THAP4: variants seen among roughly 807,000 people sequenced by gnomAD.
THAP4 encodes the protein peroxynitrite isomerase THAP4.
A neutral mutation model predicts 48.1 loss-of-function variants in THAP4; 18 were observed. That is an observed-to-expected ratio of 0.37 (90% CI 0.26 to 0.56). The LOEUF is 0.56. Among genes scored for constraint, THAP4 ranks in the 20% least tolerant of loss-of-function variants. The pLI, the probability that THAP4 is intolerant of heterozygous loss-of-function variation, is 0.78. For missense variants in THAP4, 656 were observed against 774.9 expected (o/e 0.85, Z 1.82); for synonymous variants, 345 against 324.9 (o/e 1.06, Z -0.66).
At position 241,633,704 on chromosome 2, in the gene THAP4, A is replaced by G; in HGVS notation, c.453T>C (p.Gly151=). The part of the protein sequence containing the change: ...SRRLKQAALQ[G]EATPRAAQEA... ...CCTGGGCCGCCCTGGGTGTGGCTTC[A>G]CCTTGCAGAGCAGCTTGCTTCAACC... is the stretch of plus-strand genomic sequence containing the variant. The change falls in exon 2 of 6, where the codon GGT becomes GGC. Residue 151 remains glycine (G), a synonymous_variant. Coordinates refer to ENST00000407315, the MANE Select transcript of THAP4 (RefSeq NM_015963.6). This position sits in a 1 kb window ranked among gnomAD's most constrained non-coding sequence, Gnocchi z 7.5. 6.2e-7 allele frequency: 1 copy of G among 1,611,566 alleles called. No homozygotes were observed. The highest frequency in any genetic ancestry group is 2.2e-5 in the East Asian group (1 of 44,816).
intron 3 of THAP4, 149 bp from the exon 4 acceptor site, chr2:241,603,228 T>A: frequency 4.6e-6 from 3 of 651,868 alleles, no homozygotes; most frequent in Non-Finnish European, 5.5e-6. Context: ...ACCTTGCTCA[T>A]TTTGGCTGTG....
At chr2:241,589,450 A>C (rs1340747596) in intron 5 of THAP4, among the ~76,000 whole-genome samples, 1 of 152,210 alleles carries the variant, frequency 6.6e-6, no homozygotes, top group Non-Finnish European at 1.5e-5. Flanking sequence ...ATTTCACAAA[A>C]CAAGAAATAC....
intron 2 of THAP4, among the ~76,000 whole-genome samples, chr2:241,615,578 T>C (rs924178580): frequency 6.6e-6 from 1 of 152,210 alleles, no homozygotes. Context: ...AGATCTAATA[T>C]TTCGAGAAAA....
In THAP4 at chr2:241,637,004, CA is replaced by C; in HGVS notation, c.13del (p.Cys5ValfsTer4). On this transcript the variant is annotated frameshift_variant, in exon 1 of 6. Coordinates refer to ENST00000407315, the MANE Select transcript of THAP4 (RefSeq NM_015963.6). LOFTEE classifies it high-confidence loss of function. ...CCGGTTGGAGCAGTTCACGGCCGCA[CA>C]GCAGATCACCATCGCGGGCCTTGGC... Reference protein sequence around the residue: MVICCAAVNCSNRQG... With the variant: MVICXAAVNCSNRQG... The C allele has an allele frequency of 7.7e-7, 1 of 1,299,516 alleles. No homozygotes were observed. Among genetic ancestry groups the C allele is most frequent in the Non-Finnish European group, 1.0e-6 (1 of 999,510 alleles). The allele number at this position is 1,299,516 out of a possible 1,614,324, so 80.5% of individuals were successfully genotyped here. A position where few individuals can be genotyped will look rare whatever the true frequency, so the allele number is the denominator to read the frequency against.
At chr2:241,606,937 C>T (rs1490625523) in intron 2 of THAP4, among the ~76,000 whole-genome samples, 3 of 152,130 alleles carry the variant, frequency 2.0e-5, no homozygotes, top group South Asian at 2.1e-4. Context: ...ACGGGAGGCA[C>T]GGTGCCCTGG....
At chr2:241,625,362 C>A (rs2067483161) in intron 2 of THAP4, among the ~76,000 whole-genome samples, 1 of 151,740 alleles carries the variant, frequency 6.6e-6, no homozygotes, top group Non-Finnish European at 1.5e-5. Flanking sequence ...ATAGTCCCAG[C>A]TACTCGAAAG....
chr2:241,625,216 T>G lies in THAP4; in HGVS notation c.1240+7701A>C, dbSNP rs565205716. On this transcript the variant is annotated intron_variant, in intron 2 of 5. Coordinates refer to ENST00000407315, the MANE Select transcript of THAP4 (RefSeq NM_015963.6). The stretch of plus-strand genomic sequence containing the variant: ...CAGGCCGGGTGTGGTGGCTCACACC[T>G]GTAGTCCCAACACTTTCAGAGGCCA... Among the ~76,000 whole-genome samples the G allele has an allele frequency of 1.2e-4, 18 of 152,206 alleles. 1 individual carries two copies. The highest frequency in any genetic ancestry group is 2.1e-4 in the Non-Finnish European group (14 of 68,008).
chr2:241,590,624 A>AG (rs2066955372), intron 5 of THAP4, among the ~76,000 whole-genome samples: 1 of 151,196 alleles, frequency 6.6e-6, no homozygotes, highest in Non-Finnish European at 1.5e-5. Flanking sequence ...GATGGGCACT[A>AG]GGACACGCAG....
rs765330750 is a variant in THAP4 at position 241,584,617 on chromosome 2, C to T, written c.1723G>A (p.Val575Met). 5.0e-6 allele frequency: 8 copies of T among 1,614,024 alleles called. No homozygotes were observed. The African/African-American group carries it at 6.7e-5, about 13-fold the overall frequency. The stretch of plus-strand genomic sequence containing the variant: ...CAGAAGCTCTAGGTTTACGGGGTCA[C>T]CTTCTTGTAGGTGACGTGAAGATGC... ...TQHLHVTYKKVTP is the reference protein window; with the variant it reads ...TQHLHVTYKKMTP Residue 575 changes from valine (V) to methionine (M), a missense_variant, in exon 6 of 6, where the codon GTG (valine) becomes ATG (methionine). Physicochemically the swap from Val to Met is conservative, Grantham distance 21 (BLOSUM62 1). Around this residue, in one of 4 missense-constraint regions of THAP4, gnomAD observed 176 missense variants for 256.7 expected, o/e 0.69. Coordinates refer to ENST00000407315, the MANE Select transcript of THAP4 (RefSeq NM_015963.6).
In THAP4 at chr2:241,633,070, G is replaced by T. The variant is rs756938697; in HGVS notation, c.1087C>A (p.Arg363=). ...CCGTTCTTCTTCTCCACCTGCTCCC[G>T]CAGGCAGCACACCTGGCTCTTGTTC... The part of the protein sequence containing the change: ...RQNKSQVCCL[R]EQVEKKNGEL... Residue 363 remains arginine (R), a synonymous_variant, in exon 2 of 6, where the codon CGG becomes AGG. Transcript: ENST00000407315. The surrounding 1 kb of genome is among the most constrained non-coding windows in gnomAD (Gnocchi z 7.5). 1.9e-6 allele frequency: 3 copies of T among 1,613,804 alleles called. No individual in the cohort carries two copies. In the South Asian group the frequency reaches 3.3e-5, roughly 18 times the overall value.
At chr2:241,593,085 A>G (rs750263866) in intron 5 of THAP4, among the ~76,000 whole-genome samples, 9 of 152,052 alleles carry the variant, frequency 5.9e-5, no homozygotes, top group Non-Finnish European at 1.0e-4. Context: ...CTCTATTAAA[A>G]ATACAAAAAA....
At chr2:241,592,967 G>A (rs761524411) in intron 5 of THAP4, among the ~76,000 whole-genome samples, 9 of 152,214 alleles carry the variant, frequency 5.9e-5, no homozygotes, top group Admixed American at 2.0e-4. Context: ...AGCTGGCCAG[G>A]CACGGTGGCT....
intron 2 of THAP4, among the ~76,000 whole-genome samples, chr2:241,619,684 G>C (rs2067386662): frequency 6.6e-6 from 1 of 151,880 alleles, no homozygotes; most frequent in Admixed American, 6.6e-5. Flanking sequence ...GGTAAGTGAG[G>C]GGTGAGGGGT....
chr2:241,606,509 C>A (rs1254611178), intron 2 of THAP4, 36 bp from the exon 3 acceptor site: 2 of 1,552,302 alleles, frequency 1.3e-6, no homozygotes, highest in Admixed American at 1.9e-5. Context: ...AGTGGCCTCC[C>A]TCCAACCATG....
chr2:241,632,933 C>G lies in THAP4; in HGVS notation c.1224G>C (p.Leu408=). 3 of 1,603,374 alleles carry G rather than the reference C, an allele frequency of 1.9e-6. No homozygotes were observed. The highest frequency in any genetic ancestry group is 2.6e-6 in the Non-Finnish European group (3 of 1,174,448). ...GGTACTGACCGCGGCTGGGCGACAG[C>G]AGGCTACTTGGATAGGGGACGCTCA... ...RRVSVPYPSS[L]LSPSREPPKM... Residue 408 remains leucine (L), a synonymous_variant, in exon 2 of 6, where the codon CTG becomes CTC. Transcript: ENST00000407315.
chr2:241,590,565 G>A lies in THAP4; in HGVS notation c.1615-5840C>T, dbSNP rs536778031. 1.8e-4 allele frequency among the ~76,000 whole-genome samples: 25 copies of A among 138,252 alleles called. 2 individuals carry two copies. In the South Asian group the frequency reaches 2.9e-3, roughly 16 times the overall value. 90.7% of individuals were successfully genotyped at this position (138,252 alleles called of 152,430 possible). A position where few individuals can be genotyped will look rare whatever the true frequency, so the allele number is the denominator to read the frequency against. ...GGCACTAGGACACTCAGAACTGCCC[G>A]GCTGATGATGAGGGGCACTAGGACA... On this transcript the variant is annotated intron_variant, in intron 5 of 5. Coordinates refer to ENST00000407315, the MANE Select transcript of THAP4 (RefSeq NM_015963.6).
chr2:241,605,083 A>G (rs1431410226), intron 3 of THAP4, among the ~76,000 whole-genome samples: 1 of 152,222 alleles, frequency 6.6e-6, no homozygotes, highest in Non-Finnish European at 1.5e-5. Flanking sequence ...TATAATCTAT[A>G]GTTTAAAAAA....
At position 241,610,821 on chromosome 2, in the gene THAP4, G is replaced by A. The variant is rs1359199476; in HGVS notation, c.1241-4348C>T. Among the ~76,000 whole-genome samples the A allele has an allele frequency of 1.3e-5, 2 of 151,900 alleles. No individual in the cohort carries two copies. The highest frequency in any genetic ancestry group is 2.9e-5 in the Non-Finnish European group (2 of 68,022). On this transcript the variant is annotated intron_variant, in intron 2 of 5. Transcript: ENST00000407315. The surrounding 1 kb of genome is among the most constrained non-coding windows in gnomAD (Gnocchi z 4.2). ...GCCAGGGACAGCGAGAGACGGGACG[G>A]GGACAGAGACACAGAGACAGAGAGA... is the stretch of plus-strand genomic sequence containing the variant.
At chr2:241,611,173 G>C (rs2067269162) in intron 2 of THAP4, among the ~76,000 whole-genome samples, 1 of 152,148 alleles carries the variant, frequency 6.6e-6, no homozygotes, top group African/African-American at 2.4e-5. Context: ...TGGGGGGGTG[G>C]CCCCTGAGAA....
Sources: allele counts gnomAD v4.1 joint callset (sites outside exome capture counted in the v4.1 genomes callset), GRCh38; gene constraint gnomAD v4.1.1; regional missense constraint gnomAD v4.1.1; non-coding constraint Gnocchi (gnomAD v3.1); transcripts MANE v1.5; gene names NCBI Gene and HGNC (gene_info 2026-07-23, HGNC 2026-07-21).